The following MID1 variants were observed in gnomAD, a reference collection of about 807,000 sequenced individuals.
MID1 encodes E3 ubiquitin-protein ligase Midline-1.
A neutral mutation model predicts 40.4 loss-of-function variants in MID1; 7 were observed. The observed-to-expected ratio is 0.17, with a 90% CI of 0.10 to 0.33. MID1 has a LOEUF of 0.33. Among genes scored for constraint, MID1 ranks in the 10% least tolerant of loss-of-function variants. The pLI, the probability that MID1 is intolerant of heterozygous loss-of-function variation, is 1.00. For missense variants in MID1, 367 were observed against 558.5 expected (o/e 0.66, Z 3.46); for synonymous variants, 229 against 221.2 (o/e 1.04, Z -0.31).
intron 1 of MID1, among the ~76,000 whole-genome samples, chrX:10,664,413 AC>A (rs2042936912): frequency 9.0e-6 from 1 of 111,383 alleles, no homozygotes; most frequent in Non-Finnish European, 1.9e-5. Flanking sequence ...CAAATGATCC[AC>A]CTGCCTCGGC....
intron 1 of MID1, among the ~76,000 whole-genome samples, chrX:10,732,863 CTTTTT>C (rs34772528): frequency 1.8e-5 from 1 of 55,590 alleles, no homozygotes; most frequent in Non-Finnish European, 3.6e-5. Context: ...TCTTCTTCTT[CTTTTT>C]TTTTTTTTTT....
intron 1 of MID1, among the ~76,000 whole-genome samples, chrX:10,654,912 G>T (rs2042859592): frequency 1.8e-5 from 2 of 112,369 alleles, no homozygotes; most frequent in Non-Finnish European, 3.7e-5. Flanking sequence ...TGTATACACT[G>T]GTCTAGATGC....
chrX:10,565,521 A>G (rs1181886883), intron 2 of MID1: 1 of 328,342 alleles, frequency 3.0e-6, no homozygotes, highest in Non-Finnish European at 5.9e-6. Flanking sequence ...AAGTGATAAC[A>G]CTCTTTTGAT....
At chrX:10,515,132 G>C (rs1395026718) in intron 3 of MID1, among the ~76,000 whole-genome samples, 3 of 112,383 alleles carry the variant, frequency 2.7e-5, no homozygotes, top group African/African-American at 9.7e-5. Flanking sequence ...GTTTTCTACG[G>C]AGAGAGAATG....
In MID1 at chrX:10,669,230, T is replaced by TAA. The variant is rs761817483; in HGVS notation, c.-186-48813_-186-48812dup. Reference sequence around the variant, plus strand: ...GACAGAGTGAGACTCCGTCTCAAAATAAAAAAAAAAAAAAAAAAAAAAAAA... The same window carrying TAA: ...GACAGAGTGAGACTCCGTCTCAAAATAAAAAAAAAAAAAAAAAAAAAAAAAAA... On this transcript the variant is annotated intron_variant, in intron 1 of 10. Transcript: ENST00000380785. Among the ~76,000 whole-genome samples, 55 of 47,010 alleles carry TAA rather than the reference T, an allele frequency of 1.2e-3. No homozygotes were observed. In the East Asian group the frequency reaches 0.016, roughly 14 times the overall value. The allele number at this position is 47,010 out of a possible 115,157, so 40.8% of individuals were successfully genotyped here.
intron 6 of MID1, among the ~76,000 whole-genome samples, chrX:10,472,569 C>G: frequency 8.9e-6 from 1 of 112,675 alleles, no homozygotes; most frequent in Non-Finnish European, 1.9e-5. Flanking sequence ...ATTTTCCAGT[C>G]TTTTCTGTCC....
intron 1 of MID1, among the ~76,000 whole-genome samples, chrX:10,671,151 T>A (rs1251730619): frequency 8.9e-6 from 1 of 112,058 alleles, no homozygotes; most frequent in African/African-American, 3.2e-5. Context: ...ATAGCAGTAA[T>A]TGCTAACCCT....
intron 1 of MID1, among the ~76,000 whole-genome samples, chrX:10,619,684 C>A (rs1935900843): frequency 8.9e-6 from 1 of 112,496 alleles, no homozygotes; most frequent in Non-Finnish European, 1.9e-5. Context: ...AGTAATCCCC[C>A]AGCCCTTTCT....
intron 4 of MID1, among the ~76,000 whole-genome samples, chrX:10,483,347 G>A (rs889774953): frequency 1.8e-5 from 2 of 111,826 alleles, no homozygotes; most frequent in African/African-American, 6.5e-5. Flanking sequence ...GGATAAAAAC[G>A]CATGATTGCT....
intron 3 of MID1, among the ~76,000 whole-genome samples, chrX:10,496,162 A>G (rs771928557): frequency 1.8e-5 from 2 of 112,702 alleles, no homozygotes; most frequent in African/African-American, 6.4e-5. Context: ...GCAAGCCTGT[A>G]TCACATTTGA....
chrX:10,636,683 G>T (rs759400703), intron 1 of MID1, among the ~76,000 whole-genome samples: 3 of 104,388 alleles, frequency 2.9e-5, no homozygotes, highest in Non-Finnish European at 5.9e-5. Flanking sequence ...CACTAGTTCA[G>T]AATTGATTAG....
At chrX:10,560,304 A>C (rs1340218299) in intron 2 of MID1, among the ~76,000 whole-genome samples, 1 of 111,285 alleles carries the variant, frequency 9.0e-6, no homozygotes, top group African/African-American at 3.3e-5. Flanking sequence ...CCCTTTGAAA[A>C]CTGGCACAAG....
At chrX:10,687,546 C>T (rs1456148545) in intron 1 of MID1, among the ~76,000 whole-genome samples, 1 of 112,358 alleles carries the variant, frequency 8.9e-6, no homozygotes, top group East Asian at 2.8e-4. Context: ...TTAGCATATA[C>T]AGTAGATGTG....
chrX:10,795,776 A>T (rs2043962757), intron 1 of MID1, among the ~76,000 whole-genome samples: 1 of 112,533 alleles, frequency 8.9e-6, no homozygotes, highest in Admixed American at 9.4e-5. Flanking sequence ...CAAGAGCAGA[A>T]CTAGCCCTGG....
chrX:10,747,770 A>G (rs1267215821), intron 1 of MID1, among the ~76,000 whole-genome samples: 1 of 112,144 alleles, frequency 8.9e-6, no homozygotes, highest in Admixed American at 9.5e-5. Flanking sequence ...GTGTATTTAG[A>G]ATCCACTCAT....
At chrX:10,576,096 T>C (rs1399994189) in intron 1 of MID1, among the ~76,000 whole-genome samples, 3 of 108,174 alleles carry the variant, frequency 2.8e-5, no homozygotes, top group African/African-American at 1.1e-4. Context: ...TAACTTGACA[T>C]TTCTTCTTTA....
At chrX:10,670,278 G>T (rs1368346219) in intron 1 of MID1, among the ~76,000 whole-genome samples, 2 of 111,631 alleles carry the variant, frequency 1.8e-5, no homozygotes, top group Admixed American at 9.5e-5. Flanking sequence ...GGCTATAAAA[G>T]AATAAAAACC....
At chrX:10,566,717 G>A (rs1341985559) in intron 2 of MID1, among the ~76,000 whole-genome samples, 171 bp downstream of exon 2, 1 of 111,604 alleles carries the variant, frequency 9.0e-6, no homozygotes, top group Non-Finnish European at 1.9e-5. Flanking sequence ...ACTTTTACAA[G>A]ATACCCTTAT....
At chrX:10,661,318 C>CTTTT (rs113834216) in intron 1 of MID1, among the ~76,000 whole-genome samples, 7,366 of 102,572 alleles carry the variant, frequency 0.072, 462 homozygotes, top group African/African-American at 0.18. Flanking sequence ...CCAACTATTT[C>CTTTT]TTTTTTTTTT....
Sources: allele counts gnomAD v4.1 joint callset (sites outside exome capture counted in the v4.1 genomes callset), GRCh38; gene constraint gnomAD v4.1.1; transcripts MANE v1.5; gene names NCBI Gene and HGNC (gene_info 2026-07-23, HGNC 2026-07-21).